Variants in LBHD1 observed in about 807,000 individuals in gnomAD.
LBHD1 encodes LBH domain containing 1.
LBHD1 carries 28 observed loss-of-function variants against 31.1 expected under a neutral mutation model. The observed-to-expected ratio is 0.90, with a 90% CI of 0.67 to 1.24. The LOEUF is 1.24. Ranked by LOEUF, LBHD1 falls within the 50% of genes most tolerant of loss-of-function variation. The pLI is 0.00. For missense variants in LBHD1, 350 were observed against 323.0 expected (o/e 1.08, Z -0.64); for synonymous variants, 105 against 116.5 (o/e 0.90, Z 0.63).
intron 5 of LBHD1, among the ~76,000 whole-genome samples, 179 bp downstream of exon 5, chr11:62,664,670 G>A (rs1226590840): frequency 6.6e-6 from 1 of 152,070 alleles, no homozygotes; most frequent in Admixed American, 6.6e-5. Context: ...CCAAAGAAAG[G>A]TTGTCTGCTA....
chr11:62,666,673 C>T (rs781450776), intron 4 of LBHD1: 5 of 1,614,002 alleles, frequency 3.1e-6, no homozygotes, highest in African/African-American at 2.7e-5. Flanking sequence ...CTGTGGCCCA[C>T]ATGAATAGCC....
intron 1 of LBHD1, 73 bp from the exon 2 acceptor site, chr11:62,670,114 T>C: frequency 6.8e-7 from 1 of 1,465,248 alleles, no homozygotes. Context: ...GTTCCTTTAA[T>C]CTTCTTTGGA....
intron 1 of LBHD1, 145 bp from the exon 2 acceptor site, chr11:62,670,186 G>T: frequency 1.2e-6 from 1 of 805,122 alleles, no homozygotes; most frequent in Non-Finnish European, 1.9e-6. Flanking sequence ...AGGGGAAAAT[G>T]CCCAAGAGGT....
intron 5 of LBHD1, 61 bp from the exon 6 acceptor site, chr11:62,663,394 A>G: frequency 6.5e-7 from 1 of 1,534,362 alleles, no homozygotes; most frequent in African/African-American, 1.4e-5. Flanking sequence ...GGTCACACAA[A>G]TAGTTCTGGC....
At position 62,666,637 on chromosome 11, in the gene LBHD1, G is replaced by A. The variant is rs1288054031; in HGVS notation, c.538+886C>T. On this transcript the variant is annotated intron_variant, in intron 4 of 6. Transcript: ENST00000354588. ...CCAAATCTCCACACCCAGTGGATGTGCTGGGGGTGGACTTTTCTCCTGTGG... is the reference window on the plus strand; with the variant it reads ...CCAAATCTCCACACCCAGTGGATGTACTGGGGGTGGACTTTTCTCCTGTGG... 2.5e-6 allele frequency: 4 copies of A among 1,614,078 alleles called. No homozygotes were observed. The African/African-American group carries it at 5.3e-5, about 22-fold the overall frequency.
At chr11:62,666,956 G>C in intron 4 of LBHD1, 2 of 1,614,176 alleles carry the variant, frequency 1.2e-6, no homozygotes, top group Non-Finnish European at 1.7e-6. Flanking sequence ...GCCCTGCCTG[G>C]AACAAGGGTC....
At chr11:62,666,317 A>T in intron 4 of LBHD1, 1 of 1,488,446 alleles carries the variant, frequency 6.7e-7, no homozygotes, top group East Asian at 2.3e-5. Flanking sequence ...CTCAAAAAAA[A>T]AAAAGACGCC....
Position 62,670,147 on chromosome 11 carries a change from T to G in LBHD1, c.-10-106A>C, listed in dbSNP as rs1354592598. On this transcript the variant is annotated intron_variant, in intron 1 of 6. Transcript: ENST00000354588. ...GGAGCCTGGCCCCTTAAGCACCGAC[T>G]GTGCTAAGCGATTATACGCTTTCAG... The G allele has an allele frequency of 4.2e-6, 5 of 1,203,788 alleles. No individual in the cohort carries two copies. In the East Asian group the frequency reaches 7.2e-5, roughly 17 times the overall value. 74.6% of individuals were successfully genotyped at this position (1,203,788 alleles called of 1,614,324 possible). A position where few individuals can be genotyped will look rare whatever the true frequency, so the allele number is the denominator to read the frequency against.
chr11:62,667,564 A>C lies in LBHD1; in HGVS notation c.497T>G (p.Phe166Cys). ...AGGCAGGAGATGGGAATATTCCACA[A>C]AGCCACTTCTACAAACACGGGAGCC... is the stretch of plus-strand genomic sequence containing the variant. Reference protein sequence around the residue: ...STGSRVCRSGFVEYSHLLPPN... With the variant: ...STGSRVCRSGCVEYSHLLPPN... The change falls in exon 4 of 7, where the codon TTT becomes TGT. Residue 166 changes from phenylalanine to cysteine, a missense_variant. Phe to Cys is a radical substitution (Grantham distance 205, BLOSUM62 -2). Transcript: ENST00000354588. 1 of 1,614,134 alleles carries C rather than the reference A, an allele frequency of 6.2e-7. No homozygotes were observed. The highest frequency in any genetic ancestry group is 8.5e-7 in the Non-Finnish European group (1 of 1,180,018).
At position 62,669,953 on chromosome 11, in the gene LBHD1, T is replaced by C. The variant is rs112245148; in HGVS notation, c.79A>G (p.Ser27Gly). 2.5e-3 allele frequency: 4,077 copies of C among 1,614,128 alleles called. 90 individuals carry two copies. The African/African-American group carries it at 0.048, about 19-fold the overall frequency. Residue 27 changes from serine (S) to glycine (G), a missense_variant, in exon 2 of 7, where the codon AGT (serine) becomes GGT (glycine). Transcript: ENST00000354588. ...CAGAGAGGGTTGGGCAGCCTGGGACTTTCTGGATGCTGGGAGGAGCCTGGG... is the reference window on the plus strand; with the variant it reads ...CAGAGAGGGTTGGGCAGCCTGGGACCTTCTGGATGCTGGGAGGAGCCTGGG... ...NSPGSSQHPE[S>G]PRLPNPLWDR...
intron 4 of LBHD1, chr11:62,666,147 GA>G: frequency 1.4e-6 from 1 of 731,060 alleles, no homozygotes; most frequent in Non-Finnish European, 2.2e-6. Flanking sequence ...AGGAGTTCGA[GA>G]CCAACCTAGG....
chr11:62,665,366 G>C, intron 4 of LBHD1: 1 of 950,174 alleles, frequency 1.1e-6, no homozygotes, highest in South Asian at 1.4e-5. Context: ...AGCCAGATTG[G>C]GCGGCCGGGA....
chr11:62,667,779 T>C (rs1944859170), intron 3 of LBHD1, 32 bp from the exon 4 acceptor site: 1 of 1,409,050 alleles, frequency 7.1e-7, no homozygotes, highest in Non-Finnish European at 1.0e-6. Context: ...GACAAAAATA[T>C]TACTGATATA....
intron 1 of LBHD1, chr11:62,670,533 A>C (rs1008090644): frequency 6.4e-6 from 1 of 156,692 alleles, no homozygotes; most frequent in African/African-American, 2.4e-5. Flanking sequence ...ATAATCAGTC[A>C]CACAGCTAAG....
chr11:62,666,356 G>A lies in LBHD1; in HGVS notation c.538+1167C>T, dbSNP rs777271155. On this transcript the variant is annotated intron_variant, in intron 4 of 6. Transcript: ENST00000354588. ...GTGTATATACGACGTTTTTGCAGTGGCGACATAGACCAAGTGACACCCTCC... is the reference window on the plus strand; with the variant it reads ...GTGTATATACGACGTTTTTGCAGTGACGACATAGACCAAGTGACACCCTCC... 1.9e-6 allele frequency: 3 copies of A among 1,599,394 alleles called. No individual in the cohort carries two copies. In the South Asian group the frequency reaches 3.3e-5, roughly 18 times the overall value.
chr11:62,665,339 G>A (rs1050077334), intron 4 of LBHD1: 21 of 771,056 alleles, frequency 2.7e-5, no homozygotes, highest in African/African-American at 3.5e-5. Flanking sequence ...GCTAGTAAGT[G>A]TGGTTTTAGC....
chr11:62,663,929 C>T (rs1020656614), intron 5 of LBHD1, among the ~76,000 whole-genome samples: 11 of 147,530 alleles, frequency 7.5e-5, no homozygotes, highest in African/African-American at 1.0e-4. Context: ...AAAAATTAGC[C>T]GGGTGCAGTG....
At chr11:62,671,441 C>T (rs1944940372) in intron 1 of LBHD1, 123 bp downstream of exon 1, 1 of 1,294,630 alleles carries the variant, frequency 7.7e-7, no homozygotes, top group Non-Finnish European at 9.9e-7. Context: ...ATAAAACCCA[C>T]GGCAACCATG....
At chr11:62,667,499 TG>T (rs760065671) in intron 4 of LBHD1, 23 bp downstream of exon 4, 9 of 1,607,704 alleles carry the variant, frequency 5.6e-6, no homozygotes, top group Non-Finnish European at 6.8e-6. Flanking sequence ...ATGAGATATT[TG>T]AGGGGGAGGG....
Sources: gnomAD v4.1 joint callset for allele counts (sites outside exome capture counted in the v4.1 genomes callset) on GRCh38, gnomAD v4.1.1 for gene constraint, MANE v1.5 for transcripts, NCBI Gene and HGNC (gene_info 2026-07-23, HGNC 2026-07-21) for gene names.